The following ZNF385D variants were observed in gnomAD, a reference collection of about 807,000 sequenced individuals.
ZNF385D encodes zinc finger protein 385D.
A neutral mutation model predicts 35.8 loss-of-function variants in ZNF385D; 15 were observed. The ratio of observed to expected loss-of-function variants is 0.42; its 90% CI spans 0.28 to 0.64. ZNF385D has a LOEUF of 0.64. Among genes scored for constraint, ZNF385D ranks in the 30% least tolerant of loss-of-function variants. The pLI, the probability that ZNF385D is intolerant of heterozygous loss-of-function variation, is 0.23. For synonymous variants in ZNF385D, 212 were observed against 186.8 expected, an observed-to-expected ratio of 1.13 and a Z score of -1.10; for missense variants, 474 against 494.6, an observed-to-expected ratio of 0.96 and a Z score of 0.39.
At chr3:21,452,845 T>A (rs549840731) in intron 4 of ZNF385D, among the ~76,000 whole-genome samples, 2 of 151,984 alleles carry the variant, frequency 1.3e-5, no homozygotes, top group South Asian at 4.2e-4. Context: ...TTAATACAAA[T>A]AACTAAGCTG....
chr3:21,955,117 A>G (rs1313005233), intron 3 of ZNF385D, among the ~76,000 whole-genome samples: 1 of 152,168 alleles, frequency 6.6e-6, no homozygotes, highest in African/African-American at 2.4e-5. Context: ...AAGGTATGAC[A>G]AGTTATTTCA....
chr3:22,126,314 T>G (rs1235798865), intron 3 of ZNF385D, among the ~76,000 whole-genome samples: 2 of 148,346 alleles, frequency 1.3e-5, no homozygotes, highest in South Asian at 2.2e-4. Flanking sequence ...AAAGTTGTTT[T>G]TTTTTTTTTT....
At chr3:22,286,923 T>A (rs150810070) in intron 2 of ZNF385D, among the ~76,000 whole-genome samples, 13 of 152,152 alleles carry the variant, frequency 8.5e-5, no homozygotes, top group African/African-American at 2.4e-4. Flanking sequence ...AGTTCAGTGT[T>A]TCTGTATTAA....
chr3:22,186,381 C>T (rs1432213240), intron 2 of ZNF385D, among the ~76,000 whole-genome samples: 1 of 152,146 alleles, frequency 6.6e-6, no homozygotes, highest in Non-Finnish European at 1.5e-5. Context: ...CATGGAAACA[C>T]AGGAACAAGT....
intron 2 of ZNF385D, among the ~76,000 whole-genome samples, chr3:21,640,971 A>T (rs570103339): frequency 1.3e-5 from 2 of 152,208 alleles, no homozygotes; most frequent in Admixed American, 1.3e-4. Context: ...AAGGAGTGGG[A>T]TGGTATGAAA....
intron 3 of ZNF385D, among the ~76,000 whole-genome samples, chr3:22,000,774 C>A (rs1378316415): frequency 2.2e-5 from 3 of 139,354 alleles, no homozygotes; most frequent in Admixed American, 7.0e-5. Flanking sequence ...GAAAAAAAAA[C>A]CCGTTAATGA....
chr3:22,352,483 G>A (rs753649211), intron 2 of ZNF385D, among the ~76,000 whole-genome samples: 9 of 152,138 alleles, frequency 5.9e-5, no homozygotes, highest in Non-Finnish European at 1.3e-4. Context: ...CAGCCCAGAT[G>A]GGCGATTTGT....
chr3:21,999,937 G>C (rs576179245), intron 3 of ZNF385D, among the ~76,000 whole-genome samples: 1 of 152,182 alleles, frequency 6.6e-6, no homozygotes, highest in Admixed American at 6.5e-5. Context: ...TAGCTAACAA[G>C]TTCTCAAGTT....
At chr3:22,122,623 G>C (rs1703150206) in intron 3 of ZNF385D, among the ~76,000 whole-genome samples, 1 of 152,054 alleles carries the variant, frequency 6.6e-6, no homozygotes, top group Non-Finnish European at 1.5e-5. Flanking sequence ...AAGATAATAA[G>C]TGTCATATAG....
intron 2 of ZNF385D, among the ~76,000 whole-genome samples, chr3:22,186,186 A>G (rs987811805): frequency 6.6e-6 from 1 of 152,194 alleles, no homozygotes; most frequent in African/African-American, 2.4e-5. Flanking sequence ...ACTTCAAAAT[A>G]AGAAAGGTCT....
intron 3 of ZNF385D, among the ~76,000 whole-genome samples, chr3:21,834,279 T>G (rs964729290): frequency 6.6e-6 from 1 of 152,154 alleles, no homozygotes; most frequent in Non-Finnish European, 1.5e-5. Flanking sequence ...GGTCCTCACA[T>G]GCAGCTCCAA....
intron 3 of ZNF385D, among the ~76,000 whole-genome samples, chr3:22,120,265 A>C (rs1703022267): frequency 6.6e-6 from 1 of 152,060 alleles, no homozygotes; most frequent in African/African-American, 2.4e-5. Flanking sequence ...ATAGAAGTCT[A>C]AACTTCAGGT....
At chr3:21,682,417 T>C (rs987642503) in intron 1 of ZNF385D, among the ~76,000 whole-genome samples, 1 of 150,274 alleles carries the variant, frequency 6.7e-6, no homozygotes, top group East Asian at 2.0e-4. Flanking sequence ...GGTGACTTAA[T>C]TGCCTTCAAA....
intron 2 of ZNF385D, among the ~76,000 whole-genome samples, chr3:22,251,886 C>T (rs1700081647): frequency 6.6e-6 from 1 of 152,042 alleles, no homozygotes; most frequent in South Asian, 2.1e-4. Flanking sequence ...AAGTTCAATT[C>T]CCTCTTTTGT....
At chr3:22,231,312 G>A (rs889261676) in intron 2 of ZNF385D, among the ~76,000 whole-genome samples, 9 of 151,984 alleles carry the variant, frequency 5.9e-5, no homozygotes, top group Admixed American at 2.6e-4. Context: ...CCTATTATAA[G>A]CAAAAAGACT....
intron 3 of ZNF385D, among the ~76,000 whole-genome samples, chr3:21,941,160 A>AG (rs1701497048): frequency 1.3e-5 from 2 of 152,194 alleles, no homozygotes; most frequent in Admixed American, 1.3e-4. Flanking sequence ...GGTGGTTAAA[A>AG]GGGAAGTCCC....
chr3:21,636,965 GTTAAT>G (rs1299434354), intron 2 of ZNF385D, among the ~76,000 whole-genome samples: 1 of 151,680 alleles, frequency 6.6e-6, no homozygotes, highest in Non-Finnish European at 1.5e-5. Context: ...TGTTGTTGTT[GTTAAT>G]TTGAGTTTCT....
Position 22,015,919 on chromosome 3 carries a change from C to CT in ZNF385D, c.325+152897dup, listed in dbSNP as rs543139551. Among the ~76,000 whole-genome samples, 49 of 152,174 alleles carry CT rather than the reference C, an allele frequency of 3.2e-4. No individual in the cohort carries two copies. In the East Asian group the frequency reaches 7.9e-3, roughly 25 times the overall value. ...GCCCACGTTCCTGAAAAAAAGACAT[C>CT]TTTTTTCTGTGGAGCATTCTGTGGG... On this transcript the variant is annotated intron_variant, in intron 3 of 5. Transcript: ENST00000494108.
chr3:21,693,882 C>CTT (rs555946193), intron 1 of ZNF385D, among the ~76,000 whole-genome samples: 4,798 of 118,270 alleles, frequency 0.041, 160 homozygotes, highest in South Asian at 0.086. Flanking sequence ...CTTTTTTTTT[C>CTT]TTTTTTTTTT....
Sources: gnomAD v4.1 joint callset for allele counts (sites outside exome capture counted in the v4.1 genomes callset) on GRCh38, gnomAD v4.1.1 for gene constraint, MANE v1.5 for transcripts, NCBI Gene and HGNC (gene_info 2026-07-23, HGNC 2026-07-21) for gene names.